ELOC: variants seen among roughly 807,000 people sequenced by gnomAD.
The protein encoded by ELOC is elongin-C.
For missense variants in ELOC, 38 were observed against 139.0 expected (o/e 0.27, Z 3.65); for synonymous variants, 40 against 51.3 (o/e 0.78, Z 0.94).
chr8:73,958,807 C>A (rs1182955714), intron 2 of ELOC, among the ~76,000 whole-genome samples: 1 of 152,166 alleles, frequency 6.6e-6, no homozygotes, highest in Middle Eastern at 3.2e-3. Context: ...AATATATAGT[C>A]ATGCATTGCT....
rs117656455 is a variant in ELOC, at chr8:73,960,689, G to A, written c.-50-871C>T. Reference sequence around the variant, plus strand: ...ACATGCTGGAAGGATGATGCATACTGACTTAAAACAGTGAGGACACAGCAA... The same window carrying A: ...ACATGCTGGAAGGATGATGCATACTAACTTAAAACAGTGAGGACACAGCAA... On this transcript the variant is annotated intron_variant, in intron 1 of 3. Transcript: ENST00000520242. 3.9e-5 allele frequency among the ~76,000 whole-genome samples: 6 copies of A among 152,320 alleles called. No homozygotes were observed. The East Asian group carries it at 9.6e-4, about 24-fold the overall frequency.
chr8:73,948,548 T>G (rs1460856163), intron 3 of ELOC, among the ~76,000 whole-genome samples: 3 of 152,126 alleles, frequency 2.0e-5, no homozygotes, highest in Admixed American at 6.6e-5. Flanking sequence ...CCAACCTGGG[T>G]GACAGAGCAA....
At chr8:73,962,298 G>A (rs1814657563) in intron 1 of ELOC, among the ~76,000 whole-genome samples, 1 of 152,172 alleles carries the variant, frequency 6.6e-6, no homozygotes, top group Admixed American at 6.5e-5. Flanking sequence ...TACAGCTTAA[G>A]TGGCAGCGTT....
chr8:73,956,146 A>T, intron 2 of ELOC, 92 bp from the exon 3 acceptor site: 1 of 1,212,162 alleles, frequency 8.2e-7, no homozygotes. Flanking sequence ...CACGCCTGTA[A>T]TCCCAGCACT....
chr8:73,951,068 C>T (rs1813723719), intron 3 of ELOC, among the ~76,000 whole-genome samples: 2 of 152,066 alleles, frequency 1.3e-5, no homozygotes. Context: ...GTCAGGAGTT[C>T]AAGAACAGCC....
intron 3 of ELOC, among the ~76,000 whole-genome samples, chr8:73,949,279 G>A (rs1366580969): frequency 6.6e-6 from 1 of 152,148 alleles, no homozygotes; most frequent in Non-Finnish European, 1.5e-5. Flanking sequence ...CAACAATGAG[G>A]TAAATTTTGG....
chr8:73,962,575 C>A (rs201368556), intron 1 of ELOC, among the ~76,000 whole-genome samples: 16 of 146,172 alleles, frequency 1.1e-4, no homozygotes, highest in East Asian at 2.0e-4. Flanking sequence ...AAAAACAAAA[C>A]AAAAAAAAAA....
At chr8:73,961,803 G>C (rs1814619663) in intron 1 of ELOC, among the ~76,000 whole-genome samples, 1 of 152,096 alleles carries the variant, frequency 6.6e-6, no homozygotes, top group African/African-American at 2.4e-5. Context: ...AGATAAAGCA[G>C]AGAAAATAGG....
intron 2 of ELOC, among the ~76,000 whole-genome samples, chr8:73,956,392 AT>A (rs1267107034): frequency 3.3e-5 from 5 of 152,228 alleles, no homozygotes; most frequent in Admixed American, 1.3e-4. Context: ...CTCAAAAAAA[AT>A]AAATAAAAAT....
chr8:73,955,314 C>T (rs1814088339), intron 3 of ELOC, among the ~76,000 whole-genome samples: 2 of 151,976 alleles, frequency 1.3e-5, no homozygotes, highest in South Asian at 4.1e-4. Context: ...ACTAAAAATA[C>T]AAAAGTTAAA....
At chr8:73,964,015 C>G (rs1481738285) in intron 1 of ELOC, among the ~76,000 whole-genome samples, 3 of 143,628 alleles carry the variant, frequency 2.1e-5, no homozygotes, top group Non-Finnish European at 3.0e-5. Context: ...ATGGCTTGAA[C>G]CCAGGAGGCG....
chr8:73,971,004 A>C (rs1435961189), intron 1 of ELOC, among the ~76,000 whole-genome samples: 1 of 145,110 alleles, frequency 6.9e-6, no homozygotes. Context: ...ACTGCACTCC[A>C]GCCTCAGGAC....
intron 3 of ELOC, among the ~76,000 whole-genome samples, chr8:73,955,137 T>C (rs1814071336): frequency 6.6e-6 from 1 of 150,504 alleles, no homozygotes; most frequent in Admixed American, 6.7e-5. Flanking sequence ...AAACAGAACA[T>C]GGCAGAAATC....
chr8:73,947,282 C>A (rs10441570), intron 3 of ELOC, among the ~76,000 whole-genome samples: 1 of 152,150 alleles, frequency 6.6e-6, no homozygotes, highest in East Asian at 1.9e-4. Flanking sequence ...CCACCGCGCC[C>A]GGCCATGATT....
chr8:73,948,726 T>C (rs1813546913), intron 3 of ELOC, among the ~76,000 whole-genome samples: 1 of 152,194 alleles, frequency 6.6e-6, no homozygotes, highest in Non-Finnish European at 1.5e-5. Context: ...TCTCAGCTAC[T>C]GGGGAGGCTC....
At chr8:73,966,949 T>A (rs1815019780) in intron 1 of ELOC, among the ~76,000 whole-genome samples, 1 of 152,194 alleles carries the variant, frequency 6.6e-6, no homozygotes. Context: ...AGTCAACTCC[T>A]AGCTATGTCA....
At chr8:73,958,061 C>A (rs529103109) in intron 2 of ELOC, among the ~76,000 whole-genome samples, 1 of 151,882 alleles carries the variant, frequency 6.6e-6, no homozygotes, top group South Asian at 2.1e-4. Context: ...CAGGCATGAG[C>A]CGCTGCACCC....
Position 73,963,479 on chromosome 8 carries a change from G to A in ELOC, c.-50-3661C>T, listed in dbSNP as rs533419867. Among the ~76,000 whole-genome samples the A allele has an allele frequency of 1.5e-4, 23 of 152,224 alleles. 1 individual carries two copies. The highest frequency in any genetic ancestry group is 2.9e-4 in the African/African-American group (12 of 41,528). On this transcript the variant is annotated intron_variant, in intron 1 of 3. Transcript: ENST00000520242. ...GATATTTTCTGAAAGGCTATTGCTC[G>A]TGTTGTTAAAAGCTTTAAAATGTCC...
intron 1 of ELOC, among the ~76,000 whole-genome samples, chr8:73,969,865 G>T (rs1815237804): frequency 6.6e-6 from 1 of 152,210 alleles, no homozygotes; most frequent in Admixed American, 6.5e-5. Context: ...TTGAGTGAAT[G>T]TACTATTATT....
Sources: gnomAD v4.1 joint callset for allele counts (sites outside exome capture counted in the v4.1 genomes callset) on GRCh38, gnomAD v4.1.1 for gene constraint, MANE v1.5 for transcripts, NCBI Gene and HGNC (gene_info 2026-07-23, HGNC 2026-07-21) for gene names.